Variants in MEOX2 observed in about 807,000 individuals in gnomAD.
MEOX2 encodes mesenchyme homeobox 2.
A neutral mutation model predicts 27.0 loss-of-function variants in MEOX2; 11 were observed. That is an observed-to-expected ratio of 0.41 (90% CI 0.26 to 0.68). MEOX2 has a LOEUF of 0.68. MEOX2 is among the 30% of genes least tolerant of loss of function. The probability of loss-of-function intolerance (pLI) is 0.33; values close to 1 mark genes in which losing one functional copy is unlikely to be tolerated. For synonymous variants in MEOX2, 189 were observed against 155.4 expected, an observed-to-expected ratio of 1.22 and a Z score of -1.61; for missense variants, 436 against 385.4, an observed-to-expected ratio of 1.13 and a Z score of -1.10.
At chr7:15,621,264 T>A (rs1384350476) in intron 2 of MEOX2, among the ~76,000 whole-genome samples, 2 of 152,250 alleles carry the variant, frequency 1.3e-5, no homozygotes, top group Non-Finnish European at 2.9e-5. Context: ...GATCTGTAAC[T>A]GTTCAACAAA....
At chr7:15,677,209 A>T (rs374876478) in intron 1 of MEOX2, among the ~76,000 whole-genome samples, 108 of 152,334 alleles carry the variant, frequency 7.1e-4, no homozygotes, top group African/African-American at 2.5e-3. Context: ...TTATTTTCAG[A>T]TGGTGCATAT....
chr7:15,624,684 C>T (rs571619391), intron 2 of MEOX2, among the ~76,000 whole-genome samples: 34 of 152,192 alleles, frequency 2.2e-4, no homozygotes, highest in African/African-American at 6.5e-4. Flanking sequence ...CATGTAGGGC[C>T]AGCAGTATTA....
At chr7:15,629,079 G>A (rs1781359793) in intron 1 of MEOX2, among the ~76,000 whole-genome samples, 1 of 152,000 alleles carries the variant, frequency 6.6e-6, no homozygotes, top group Non-Finnish European at 1.5e-5. Context: ...TTTTTCTCAT[G>A]AGCAGTTCAA....
At chr7:15,616,648 T>G (rs974423856) in intron 2 of MEOX2, among the ~76,000 whole-genome samples, 2 of 151,924 alleles carry the variant, frequency 1.3e-5, no homozygotes, top group African/African-American at 4.8e-5. Context: ...TGCCTAAAAT[T>G]TTATTTACTA....
intron 1 of MEOX2, among the ~76,000 whole-genome samples, chr7:15,649,938 T>G (rs903492688): frequency 6.6e-6 from 1 of 152,078 alleles, no homozygotes; most frequent in South Asian, 2.1e-4. Context: ...GCTGTAGAAA[T>G]TAAGCAGAGT....
chr7:15,646,054 A>T (rs1271332115), intron 1 of MEOX2, among the ~76,000 whole-genome samples: 1 of 152,086 alleles, frequency 6.6e-6, no homozygotes, highest in Non-Finnish European at 1.5e-5. Context: ...AATGCTAATT[A>T]CTCTGCATTA....
At chr7:15,645,437 A>T (rs1247201137) in intron 1 of MEOX2, among the ~76,000 whole-genome samples, 1 of 152,228 alleles carries the variant, frequency 6.6e-6, no homozygotes, top group African/African-American at 2.4e-5. Flanking sequence ...AAATACCGAA[A>T]TGTAAAAGTA....
Position 15,669,687 on chromosome 7 carries a change from G to A in MEOX2, c.517+16199C>T, listed in dbSNP as rs190673931. ...GGTATAGACAAGAGACTCCCTATAC[G>A]TCACTCTTTTCTTTTGCATTTGCTC... On this transcript the variant is annotated intron_variant, in intron 1 of 2. Coordinates refer to ENST00000262041, the MANE Select transcript of MEOX2 (RefSeq NM_005924.5). 3.2e-3 allele frequency among the ~76,000 whole-genome samples: 494 copies of A among 152,282 alleles called. 1 individual carries two copies. Among genetic ancestry groups the A allele is most frequent in the Non-Finnish European group, 5.6e-3 (383 of 68,026 alleles).
At chr7:15,673,292 A>C (rs1314385395) in intron 1 of MEOX2, among the ~76,000 whole-genome samples, 1 of 152,206 alleles carries the variant, frequency 6.6e-6, no homozygotes, top group Non-Finnish European at 1.5e-5. Context: ...TATAGATATT[A>C]TATGGCAAGG....
intron 2 of MEOX2, among the ~76,000 whole-genome samples, chr7:15,626,290 A>G (rs1296184935): frequency 6.6e-6 from 1 of 152,136 alleles, no homozygotes; most frequent in African/African-American, 2.4e-5. Flanking sequence ...GAGAGTGAGT[A>G]AGTAATGAAC....
chr7:15,623,995 C>G (rs1781258606), intron 2 of MEOX2, among the ~76,000 whole-genome samples: 1 of 152,196 alleles, frequency 6.6e-6, no homozygotes, highest in South Asian at 2.1e-4. Context: ...GGTGATAATT[C>G]TGTTTTATAG....
chr7:15,646,517 A>G (rs1397151921), intron 1 of MEOX2, among the ~76,000 whole-genome samples: 1 of 152,038 alleles, frequency 6.6e-6, no homozygotes, highest in Non-Finnish European at 1.5e-5. Context: ...AAAATCCATG[A>G]TATTAAAACT....
At chr7:15,616,854 G>C (rs890358951) in intron 2 of MEOX2, among the ~76,000 whole-genome samples, 7 of 151,886 alleles carry the variant, frequency 4.6e-5, no homozygotes, top group Admixed American at 6.6e-5. Flanking sequence ...AAGATGGGAG[G>C]TGTTGAAGCA....
At chr7:15,682,682 T>A (rs1413829924) in intron 1 of MEOX2, among the ~76,000 whole-genome samples, 1 of 151,884 alleles carries the variant, frequency 6.6e-6, no homozygotes, top group African/African-American at 2.4e-5. Flanking sequence ...TAACTAAAAC[T>A]GGGCAGTTTA....
chr7:15,614,690 T>C (rs564007580), intron 2 of MEOX2, among the ~76,000 whole-genome samples: 76 of 152,238 alleles, frequency 5.0e-4, no homozygotes, highest in Non-Finnish European at 1.0e-3. Flanking sequence ...CACATTATCT[T>C]ATTAATTATA....
intron 1 of MEOX2, among the ~76,000 whole-genome samples, chr7:15,664,816 G>A (rs951202412): frequency 6.6e-6 from 1 of 151,976 alleles, no homozygotes; most frequent in East Asian, 1.9e-4. Context: ...GTTAGAATTC[G>A]TGCTCTGTGG....
At position 15,612,516 on chromosome 7, in the gene MEOX2, C is replaced by T. The variant is rs1252943001; in HGVS notation, c.786G>A (p.Val262=). The change falls in exon 3 of 3, where the codon GTG becomes GTA. Residue 262 remains valine (V), a synonymous_variant. Coordinates refer to ENST00000262041, the MANE Select transcript of MEOX2 (RefSeq NM_005924.5). ...CTGATGGGAGAAGTGTTCCCTTTTT[C>T]ACATTCACCAGTTCCTTTTCCCGAG... ...AAAREKELVN[V]KKGTLLPSEL... is the part of the protein sequence containing the mutation. 1 of 1,614,166 alleles carries T rather than the reference C, an allele frequency of 6.2e-7. No homozygotes were observed. Among genetic ancestry groups the T allele is most frequent in the South Asian group, 1.1e-5 (1 of 91,086 alleles).
chr7:15,670,212 T>C (rs1474480921), intron 1 of MEOX2, among the ~76,000 whole-genome samples: 1 of 152,252 alleles, frequency 6.6e-6, no homozygotes, highest in Non-Finnish European at 1.5e-5. Context: ...ATGTGCATTA[T>C]GTTTAATAAT....
At chr7:15,640,084 T>C (rs1033120262) in intron 1 of MEOX2, among the ~76,000 whole-genome samples, 1 of 152,178 alleles carries the variant, frequency 6.6e-6, no homozygotes, top group South Asian at 2.1e-4. Context: ...AATATAGTCA[T>C]TTTAATGATA....
Sources: gnomAD v4.1 joint callset for allele counts (sites outside exome capture counted in the v4.1 genomes callset) on GRCh38, gnomAD v4.1.1 for gene constraint, MANE v1.5 for transcripts, NCBI Gene and HGNC (gene_info 2026-07-23, HGNC 2026-07-21) for gene names.